The following SAP30 variants were observed in gnomAD, a reference collection of about 807,000 sequenced individuals.
SAP30 encodes the protein Sin3A associated protein 30, also known as histone deacetylase complex subunit SAP30.
A neutral mutation model predicts 19.6 loss-of-function variants in SAP30; 13 were observed. The observed-to-expected ratio is 0.66, with a 90% CI of 0.43 to 1.05. The LOEUF (loss-of-function observed/expected upper bound fraction) is 1.05. SAP30 is among the 50% of genes least tolerant of loss of function. The pLI, the probability that SAP30 is intolerant of heterozygous loss-of-function variation, is 0.00. For missense variants in SAP30, 257 were observed against 292.1 expected (o/e 0.88, Z 0.88); for synonymous variants, 108 against 122.7 (o/e 0.88, Z 0.79).
At chr4:173,375,539 A>T (rs1739020659) in intron 3 of SAP30, among the ~76,000 whole-genome samples, 1 of 152,218 alleles carries the variant, frequency 6.6e-6, no homozygotes, top group Non-Finnish European at 1.5e-5. Context: ...ACAAATGAGA[A>T]CCAAAGAACT....
chr4:173,371,621 G>A lies in SAP30; in HGVS notation c.315+124G>A. 1.4e-6 allele frequency: 2 copies of A among 1,441,680 alleles called. No homozygotes were observed. Among genetic ancestry groups the A allele is most frequent in the Non-Finnish European group, 1.8e-6 (2 of 1,094,608 alleles). The allele number at this position is 1,441,680 out of a possible 1,614,324, so 89.3% of individuals were successfully genotyped here. A position where few individuals can be genotyped will look rare whatever the true frequency, so the allele number is the denominator to read the frequency against. On this transcript the variant is annotated intron_variant, in intron 1 of 3. Transcript: ENST00000296504. The surrounding 1 kb of genome is among the most constrained non-coding windows in gnomAD (Gnocchi z 6.4). The stretch of plus-strand genomic sequence containing the variant: ...GCACTGGCTGCAGTGCGGTCTCGTG[G>A]AGTCTGTGTTTGGAAGCAAATAACA...
intron 1 of SAP30, among the ~76,000 whole-genome samples, chr4:173,372,116 C>T (rs1361611065): frequency 1.3e-5 from 2 of 152,242 alleles, no homozygotes; most frequent in African/African-American, 2.4e-5. Context: ...AGCACGTAGC[C>T]TCTGCGGTTT....
At chr4:173,374,787 T>C (rs1739007663) in intron 3 of SAP30, among the ~76,000 whole-genome samples, 1 of 152,152 alleles carries the variant, frequency 6.6e-6, no homozygotes, top group Admixed American at 6.5e-5. Context: ...TATAATTTGC[T>C]GACTTAACTA....
At position 173,371,945 on chromosome 4, in the gene SAP30, A is replaced by T. The variant is rs1323977957; in HGVS notation, c.315+448A>T. On this transcript the variant is annotated intron_variant, in intron 1 of 3. Transcript: ENST00000296504. This position sits in a 1 kb window ranked among gnomAD's most constrained non-coding sequence, Gnocchi z 6.4. The stretch of plus-strand genomic sequence containing the variant: ...AATCCCGTCGTCTAGGAGAAAGCGG[A>T]GGACCTTCACGAACAAGGAAGATCC... Among the ~76,000 whole-genome samples the T allele has an allele frequency of 6.6e-6, 1 of 152,218 alleles. No homozygotes were observed. Among genetic ancestry groups the T allele is most frequent in the Non-Finnish European group, 1.5e-5 (1 of 68,050 alleles).
At chr4:173,375,564 T>C (rs1223232383) in intron 3 of SAP30, among the ~76,000 whole-genome samples, 1 of 152,228 alleles carries the variant, frequency 6.6e-6, no homozygotes, top group Non-Finnish European at 1.5e-5. Flanking sequence ...ATTTTAAATG[T>C]TATATTTAGG....
intron 3 of SAP30, among the ~76,000 whole-genome samples, 173 bp from the exon 4 acceptor site, chr4:173,377,032 A>G (rs1739057058): frequency 6.6e-6 from 1 of 152,140 alleles, no homozygotes; most frequent in African/African-American, 2.4e-5. Flanking sequence ...TGTTCGTAAC[A>G]TTTTATTCTT....
intron 2 of SAP30, among the ~76,000 whole-genome samples, 155 bp downstream of exon 2, chr4:173,373,670 C>T (rs41279505): frequency 6.4e-4 from 98 of 152,286 alleles, no homozygotes; most frequent in Non-Finnish European, 1.2e-3. Context: ...TGCATTTACA[C>T]AGTTTGAATT....
chr4:173,376,717 C>G (rs572671705), intron 3 of SAP30, among the ~76,000 whole-genome samples: 1 of 152,224 alleles, frequency 6.6e-6, no homozygotes, highest in South Asian at 2.1e-4. Flanking sequence ...CTTCTGGGTT[C>G]AAGCAATCCT....
At chr4:173,376,972 G>A (rs1370532975) in intron 3 of SAP30, among the ~76,000 whole-genome samples, 1 of 152,040 alleles carries the variant, frequency 6.6e-6, no homozygotes, top group Non-Finnish European at 1.5e-5. Context: ...TCTAATCAAT[G>A]TATATTAAAT....
At chr4:173,376,851 G>A (rs1023970184) in intron 3 of SAP30, among the ~76,000 whole-genome samples, 2 of 151,762 alleles carry the variant, frequency 1.3e-5, no homozygotes, top group Non-Finnish European at 2.9e-5. Context: ...CAAACTCCTG[G>A]GCTCAAGTGA....
chr4:173,373,824 T>G (rs911421590), intron 2 of SAP30, 115 bp from the exon 3 acceptor site: 67 of 380,348 alleles, frequency 1.8e-4, no homozygotes, highest in Non-Finnish European at 9.7e-5. Context: ...AAATTTTTTT[T>G]GATTTTGGAA....
chr4:173,372,024 T>C (rs1440326265), intron 1 of SAP30, among the ~76,000 whole-genome samples: 1 of 152,200 alleles, frequency 6.6e-6, no homozygotes, highest in Non-Finnish European at 1.5e-5. Flanking sequence ...GAAGCCGAGC[T>C]CACCCGCCGC....
intron 1 of SAP30, among the ~76,000 whole-genome samples, chr4:173,372,836 G>A (rs545984834): frequency 6.6e-6 from 1 of 152,364 alleles, no homozygotes; most frequent in East Asian, 1.9e-4. Flanking sequence ...AGGCTGGAGT[G>A]CAGTGGCGCG....
At position 173,371,269 on chromosome 4, in the gene SAP30, C is replaced by G; in HGVS notation, c.87C>G (p.Ala29=). Residue 29 remains alanine (A), a synonymous_variant, in exon 1 of 4, where the codon GCC becomes GCG. Coordinates refer to ENST00000296504, the MANE Select transcript of SAP30 (RefSeq NM_003864.4). This position sits in a 1 kb window ranked among gnomAD's most constrained non-coding sequence, Gnocchi z 6.4. ...VAAVVAAAAA[A]ASAGNGTGAG... ...CAGTGGTCGCTGCCGCGGCCGCCGCCGCCTCGGCGGGGAACGGGACCGGCG... is the reference window on the plus strand; with the variant it reads ...CAGTGGTCGCTGCCGCGGCCGCCGCGGCCTCGGCGGGGAACGGGACCGGCG... 1.6e-6 allele frequency: 2 copies of G among 1,281,406 alleles called. No homozygotes were observed. Among genetic ancestry groups the G allele is most frequent in the South Asian group, 2.0e-5 (1 of 50,252 alleles). The allele number at this position is 1,281,406 out of a possible 1,614,324, so 79.4% of individuals were successfully genotyped here.
Position 173,371,291 on chromosome 4 carries a change from G to A in SAP30, c.109G>A (p.Gly37Ser), listed in dbSNP as rs1277844141. Residue 37 changes from glycine (G) to serine (S), a missense_variant, in exon 1 of 4, where the codon GGC becomes AGC. Transcript: ENST00000296504. This position sits in a 1 kb window ranked among gnomAD's most constrained non-coding sequence, Gnocchi z 6.4. ...CGCCGCCTCGGCGGGGAACGGGACC[G>A]GCGCGGGCACCGGGGCTGAGGTGCC... The part of the protein sequence containing the change: ...AAAASAGNGT[G>S]AGTGAEVPGA... The A allele has an allele frequency of 4.0e-6, 5 of 1,241,116 alleles. No homozygotes were observed. The highest frequency in any genetic ancestry group is 4.5e-5 in the Admixed American group (1 of 22,236). The allele number at this position is 1,241,116 out of a possible 1,614,324, so 76.9% of individuals were successfully genotyped here.
rs745864199 is a variant in SAP30 at position 173,373,390 on chromosome 4, G to T, written c.316G>T (p.Ala106Ser). Residue 106 changes from alanine (A) to serine (S), a missense_variant and splice_region_variant, in exon 2 of 4, where the codon GCA becomes TCA. Coordinates refer to ENST00000296504, the MANE Select transcript of SAP30 (RefSeq NM_003864.4). ...KKVKIELDKS[A>S]RHLYICDYHK... ...AGTGTGTAAAACTTTTCTGTTTCAG[G>T]CAAGGCATCTTTACATATGTGATTA... 1 of 1,596,564 alleles carries T rather than the reference G, an allele frequency of 6.3e-7. No individual in the cohort carries two copies. Among genetic ancestry groups the T allele is most frequent in the Non-Finnish European group, 8.5e-7 (1 of 1,172,486 alleles).
chr4:173,373,898 C>T lies in SAP30; in HGVS notation c.442-41C>T, dbSNP rs149299856. ...ATACATATCAATGATAAATTTTCAACAAATTGTATGAACTCATTTATACAT... is the reference window on the plus strand; with the variant it reads ...ATACATATCAATGATAAATTTTCAATAAATTGTATGAACTCATTTATACAT... On this transcript the variant is annotated intron_variant, in intron 2 of 3. Coordinates refer to ENST00000296504, the MANE Select transcript of SAP30 (RefSeq NM_003864.4). 3.0e-6 allele frequency: 3 copies of T among 990,172 alleles called. No homozygotes were observed. The East Asian group carries it at 8.2e-5, about 27-fold the overall frequency. The allele number at this position is 990,172 out of a possible 1,614,324, so 61.3% of individuals were successfully genotyped here. A position where few individuals can be genotyped will look rare whatever the true frequency, so the allele number is the denominator to read the frequency against.
At chr4:173,376,252 A>G (rs1739036875) in intron 3 of SAP30, among the ~76,000 whole-genome samples, 1 of 152,242 alleles carries the variant, frequency 6.6e-6, no homozygotes, top group Non-Finnish European at 1.5e-5. Context: ...TATGCATGTT[A>G]TGTTAGCACA....
In SAP30 at chr4:173,373,411, G is replaced by A; in HGVS notation, c.337G>A (p.Asp113Asn). Reference sequence around the variant, plus strand: ...TCAGGCAAGGCATCTTTACATATGTGATTATCATAAAAACTTAATTCAGAG... The same window carrying A: ...TCAGGCAAGGCATCTTTACATATGTAATTATCATAAAAACTTAATTCAGAG... Reference protein sequence around the residue: ...DKSARHLYICDYHKNLIQSVR... With the variant: ...DKSARHLYICNYHKNLIQSVR... Residue 113 changes from aspartate to asparagine, a missense_variant, in exon 2 of 4, where the codon GAT (aspartate) becomes AAT (asparagine). Asp to Asn is a conservative substitution (Grantham distance 23). Transcript: ENST00000296504. 6.2e-7 allele frequency: 1 copy of A among 1,609,168 alleles called. No individual in the cohort carries two copies.
Sources: gnomAD v4.1 joint callset for allele counts (sites outside exome capture counted in the v4.1 genomes callset) on GRCh38, gnomAD v4.1.1 for gene constraint, Gnocchi (gnomAD v3.1) non-coding constraint, MANE v1.5 for transcripts, NCBI Gene and HGNC (gene_info 2026-07-23, HGNC 2026-07-21) for gene names.